Variants in SPATA45 observed in about 807,000 individuals in gnomAD.
SPATA45 encodes the protein spermatogenesis associated 45, also known as spermatogenesis-associated protein 45.
Under a neutral mutation model 7.0 loss-of-function variants are expected in SPATA45, and 5 were observed. The ratio of observed to expected loss-of-function variants is 0.71; its 90% CI spans 0.37 to 1.50. The LOEUF is 1.50. SPATA45 is among the 40% of genes most tolerant of loss of function. The pLI, the probability that SPATA45 is intolerant of heterozygous loss-of-function variation, is 0.03. For synonymous variants in SPATA45, 40 were observed against 38.7 expected (o/e 1.03, Z -0.13); for missense variants, 111 against 114.9 (o/e 0.97, Z 0.16).
chr1:212,831,058 G>C (rs143107675), intron 2 of SPATA45, among the ~76,000 whole-genome samples: 2,238 of 150,826 alleles, frequency 0.015, 68 homozygotes, highest in African/African-American at 0.052. Flanking sequence ...AGAATCGCTT[G>C]AACCCCGGGC....
intron 2 of SPATA45, among the ~76,000 whole-genome samples, chr1:212,834,105 C>T (rs951059000): frequency 6.6e-6 from 1 of 151,730 alleles, no homozygotes; most frequent in Non-Finnish European, 1.5e-5. Flanking sequence ...ACTCTAAACA[C>T]AGTGGAGAAT....
chr1:212,846,914 G>A (rs1663808656), intron 1 of SPATA45, among the ~76,000 whole-genome samples: 1 of 152,010 alleles, frequency 6.6e-6, no homozygotes, highest in South Asian at 2.1e-4. Context: ...CTGAGACAAG[G>A]TCTCACTTTG....
intron 2 of SPATA45, 105 bp from the exon 3 acceptor site, chr1:212,830,366 A>T: frequency 1.5e-6 from 1 of 674,328 alleles, no homozygotes; most frequent in South Asian, 1.9e-5. Flanking sequence ...AGATACAGGA[A>T]CTAAGGTTTA....
At chr1:212,841,579 T>TACCA (rs1445608362) in intron 1 of SPATA45, among the ~76,000 whole-genome samples, 8 of 150,500 alleles carry the variant, frequency 5.3e-5, no homozygotes, top group African/African-American at 1.7e-4. Context: ...TTAGGAAAGC[T>TACCA]ACCAGAGCCA....
intron 2 of SPATA45, among the ~76,000 whole-genome samples, chr1:212,833,068 T>G (rs1030105185): frequency 1.3e-5 from 2 of 151,184 alleles, no homozygotes; most frequent in African/African-American, 4.9e-5. Flanking sequence ...TGTTGAGGAG[T>G]GCTGCTTAGA....
At chr1:212,835,543 C>T (rs1407466155) in intron 2 of SPATA45, among the ~76,000 whole-genome samples, 1 of 149,318 alleles carries the variant, frequency 6.7e-6, no homozygotes, top group Non-Finnish European at 1.5e-5. Context: ...AAAAAGAATC[C>T]TATCATAGGC....
At chr1:212,831,997 T>G (rs547984516) in intron 2 of SPATA45, among the ~76,000 whole-genome samples, 1 of 147,976 alleles carries the variant, frequency 6.8e-6, no homozygotes, top group African/African-American at 2.5e-5. Flanking sequence ...TATCACTATC[T>G]GATCGGACAT....
intron 1 of SPATA45, among the ~76,000 whole-genome samples, chr1:212,839,568 T>A (rs1663643491): frequency 6.7e-6 from 1 of 149,270 alleles, no homozygotes; most frequent in Non-Finnish European, 1.5e-5. Flanking sequence ...CAGTGAGCCG[T>A]GATCACAAAA....
chr1:212,843,100 TACACACACACAC>T (rs367648433), intron 1 of SPATA45, among the ~76,000 whole-genome samples: 39 of 122,004 alleles, frequency 3.2e-4, no homozygotes, highest in African/African-American at 9.5e-4. Context: ...CCGTCAAACA[TACACACACACAC>T]ACACACACAC....
rs140860242 is a variant in SPATA45, at chr1:212,842,605, C to T, written c.-39+4975G>A. 3.9e-3 allele frequency among the ~76,000 whole-genome samples: 587 copies of T among 152,314 alleles called. 9 individuals are homozygous for T. The highest frequency in any genetic ancestry group is 0.013 in the African/African-American group (561 of 41,564). The stretch of plus-strand genomic sequence containing the variant: ...AGATTTGATTAATATTTTACCTATG[C>T]TGCCTCCTAACTGTATGATCTTGTT... On this transcript the variant is annotated intron_variant, in intron 1 of 2. Transcript: ENST00000332912.
chr1:212,838,098 C>G (rs1663618884), intron 1 of SPATA45, among the ~76,000 whole-genome samples: 1 of 151,240 alleles, frequency 6.6e-6, no homozygotes, highest in Admixed American at 6.6e-5. Context: ...GTCAGGAGTT[C>G]GAGACCAGCC....
rs572257887 is a variant in SPATA45 at position 212,836,712 on chromosome 1, G to C, written c.-38-525C>G. Among the ~76,000 whole-genome samples, 4 of 150,864 alleles carry C rather than the reference G, an allele frequency of 2.7e-5. No individual in the cohort carries two copies. The East Asian group carries it at 7.8e-4, about 30-fold the overall frequency. The stretch of plus-strand genomic sequence containing the variant: ...TGCCAAGGCTGGAGTGCAGTGGCTC[G>C]ATCTCAGCTCACTGCAACCTCCGCC... On this transcript the variant is annotated intron_variant, in intron 1 of 2. Coordinates refer to ENST00000332912, the MANE Select transcript of SPATA45 (RefSeq NM_001024601.3).
intron 1 of SPATA45, among the ~76,000 whole-genome samples, chr1:212,843,031 A>C (rs985819080): frequency 6.6e-6 from 1 of 151,710 alleles, no homozygotes; most frequent in African/African-American, 2.4e-5. Flanking sequence ...CAGGAGGCGG[A>C]GCTTGCAGCG....
chr1:212,847,339 C>G (rs566574622), intron 1 of SPATA45, among the ~76,000 whole-genome samples: 2 of 152,258 alleles, frequency 1.3e-5, no homozygotes, highest in Non-Finnish European at 2.9e-5. Flanking sequence ...AAGATCAAAA[C>G]TGTGGTTTCC....
intron 1 of SPATA45, among the ~76,000 whole-genome samples, chr1:212,842,761 T>C (rs569332862): frequency 1.3e-5 from 2 of 151,868 alleles, no homozygotes; most frequent in African/African-American, 4.8e-5. Context: ...TCACCTGAAG[T>C]TGGGAGTTCA....
intron 1 of SPATA45, among the ~76,000 whole-genome samples, chr1:212,842,826 C>T (rs1438675088): frequency 1.3e-5 from 2 of 151,666 alleles, no homozygotes; most frequent in Non-Finnish European, 2.9e-5. Flanking sequence ...TGGTGGCTCA[C>T]GCCTGTAATC....
chr1:212,830,980 T>G (rs1165729235), intron 2 of SPATA45, among the ~76,000 whole-genome samples: 3 of 147,000 alleles, frequency 2.0e-5, no homozygotes. Flanking sequence ...AGAAAAAATC[T>G]CAAAAAAAAT....
intron 2 of SPATA45, among the ~76,000 whole-genome samples, chr1:212,833,198 A>G (rs1663520977): frequency 6.6e-6 from 1 of 151,526 alleles, no homozygotes; most frequent in Admixed American, 6.6e-5. Context: ...CCATCAACCG[A>G]GCATATAGTC....
In SPATA45 at chr1:212,835,760, C is replaced by T. The variant is rs887459259; in HGVS notation, c.277+113G>A. 2.0e-5 allele frequency: 19 copies of T among 934,760 alleles called. 1 individual carries two copies. Among genetic ancestry groups the T allele is most frequent in the African/African-American group, 1.6e-4 (9 of 57,710 alleles). 57.9% of individuals were successfully genotyped at this position (934,760 alleles called of 1,614,324 possible). On this transcript the variant is annotated intron_variant, in intron 2 of 2. Coordinates refer to ENST00000332912, the MANE Select transcript of SPATA45 (RefSeq NM_001024601.3). ...CTGAGACAGAAGAATCGCTTGAACC[C>T]GGGAGGTGGAGGTTGCAGTGAGCTG...
Sources: allele counts gnomAD v4.1 joint callset (sites outside exome capture counted in the v4.1 genomes callset), GRCh38; gene constraint gnomAD v4.1.1; transcripts MANE v1.5; gene names NCBI Gene and HGNC (gene_info 2026-07-23, HGNC 2026-07-21).